The following BRINP3 variants were observed in gnomAD, a reference collection of about 807,000 sequenced individuals.
BRINP3 encodes BMP/retinoic acid-inducible neural-specific protein 3.
A neutral mutation model predicts 71.0 loss-of-function variants in BRINP3; 19 were observed. The ratio of observed to expected loss-of-function variants is 0.27; its 90% confidence interval spans 0.19 to 0.39. The LOEUF is 0.39. BRINP3 is among the 10% of genes least tolerant of loss of function. The probability of loss-of-function intolerance (pLI) is 1.00; values close to 1 mark genes in which losing one functional copy is unlikely to be tolerated. For synonymous variants in BRINP3, 380 were observed against 337.7 expected, an observed-to-expected ratio of 1.13 and a Z score of -1.37; for missense variants, 959 against 940.8, an observed-to-expected ratio of 1.02 and a Z score of -0.25.
chr1:190,299,074 T>C (rs919541021), intron 2 of BRINP3, among the ~76,000 whole-genome samples: 3 of 152,190 alleles, frequency 2.0e-5, no homozygotes, highest in African/African-American at 7.2e-5. Context: ...CTGTTAGATT[T>C]CTTTGCTCTG....
At chr1:190,206,392 T>C (rs1204924926) in intron 6 of BRINP3, among the ~76,000 whole-genome samples, 1 of 152,014 alleles carries the variant, frequency 6.6e-6, no homozygotes, top group East Asian at 1.9e-4. Context: ...ATTGAGGATC[T>C]GCAAAAAGCT....
chr1:190,107,843 T>C (rs1238421105), intron 7 of BRINP3, among the ~76,000 whole-genome samples: 1 of 150,658 alleles, frequency 6.6e-6, no homozygotes. Context: ...CTGGGGAAAA[T>C]CAAATAATTA....
intron 6 of BRINP3, among the ~76,000 whole-genome samples, chr1:190,220,961 A>G (rs1436126055): frequency 1.3e-5 from 2 of 152,170 alleles, no homozygotes; most frequent in African/African-American, 4.8e-5. Context: ...AAAAACAGTA[A>G]TAGCTATAGC....
intron 6 of BRINP3, among the ~76,000 whole-genome samples, chr1:190,177,329 A>ATTTTTTTTT (rs11307442): frequency 8.8e-3 from 870 of 98,478 alleles, no homozygotes; most frequent in Non-Finnish European, 0.012. Context: ...TGCCTGGATA[A>ATTTTTTTTT]TTTTTTTTTT....
At chr1:190,309,444 A>C (rs1488519001) in intron 2 of BRINP3, among the ~76,000 whole-genome samples, 1 of 151,882 alleles carries the variant, frequency 6.6e-6, no homozygotes, top group Non-Finnish European at 1.5e-5. Flanking sequence ...TAAGATGATA[A>C]ATTTTATGAT....
intron 6 of BRINP3, among the ~76,000 whole-genome samples, chr1:190,171,682 G>A (rs1652021892): frequency 6.6e-6 from 1 of 151,982 alleles, no homozygotes; most frequent in Admixed American, 6.6e-5. Context: ...TAACTATTAG[G>A]AAAGTTAAGA....
At chr1:190,236,783 G>T (rs1658561345) in intron 4 of BRINP3, among the ~76,000 whole-genome samples, 2 of 152,004 alleles carry the variant, frequency 1.3e-5, no homozygotes, top group South Asian at 4.2e-4. Flanking sequence ...AATAATAAAA[G>T]CATCAAAGAG....
At chr1:190,301,166 C>CATATATATATATATGT (rs1266032791) in intron 2 of BRINP3, among the ~76,000 whole-genome samples, 1 of 38,020 alleles carries the variant, frequency 2.6e-5, no homozygotes, top group African/African-American at 7.2e-5. Context: ...TATATATATA[C>CATATATATATATATGT]ATATATATAC....
intron 1 of BRINP3, among the ~76,000 whole-genome samples, chr1:190,472,398 T>C (rs748376214): frequency 1.3e-5 from 2 of 151,694 alleles, no homozygotes; most frequent in African/African-American, 4.8e-5. Context: ...TCACTAATCA[T>C]AAGCACACAA....
intron 2 of BRINP3, among the ~76,000 whole-genome samples, chr1:190,305,219 A>T (rs557580069): frequency 6.6e-6 from 1 of 152,050 alleles, no homozygotes; most frequent in Non-Finnish European, 1.5e-5. Flanking sequence ...TAAAAATCAA[A>T]CTACAATATC....
At chr1:190,308,488 GT>G (rs758582035) in intron 2 of BRINP3, among the ~76,000 whole-genome samples, 25 of 150,556 alleles carry the variant, frequency 1.7e-4, no homozygotes, top group Non-Finnish European at 3.1e-4. Context: ...ACTGGGGACT[GT>G]TGTAGGGTGG....
rs1020292735 is a variant in BRINP3 at position 190,174,783 on chromosome 1, T to G, written c.962-13893A>C. Among the ~76,000 whole-genome samples, 181 of 147,342 alleles carry G rather than the reference T, an allele frequency of 1.2e-3. 3 individuals are homozygous for G. Among genetic ancestry groups the G allele is most frequent in the Non-Finnish European group, 1.9e-4 (13 of 67,696 alleles). ...AGAAAATCATATGTTAGTTCATATT[T>G]AACAGCTGTAGATCCTCCCAATAAT... On this transcript the variant is annotated intron_variant, in intron 6 of 7. Transcript: ENST00000367462.
intron 2 of BRINP3, among the ~76,000 whole-genome samples, chr1:190,287,738 C>T (rs552824113): frequency 9.9e-5 from 15 of 152,150 alleles, no homozygotes; most frequent in African/African-American, 3.4e-4. Flanking sequence ...TAGCTGTAAC[C>T]TCATGACTAT....
At chr1:190,362,957 C>T (rs948230416) in intron 2 of BRINP3, among the ~76,000 whole-genome samples, 10 of 151,978 alleles carry the variant, frequency 6.6e-5, no homozygotes, top group South Asian at 2.1e-4. Flanking sequence ...AATCTTGATT[C>T]CAGAAAGAAC....
At chr1:190,234,279 A>G (rs1658304204) in intron 5 of BRINP3, 93 bp downstream of exon 5, 2 of 780,176 alleles carry the variant, frequency 2.6e-6, no homozygotes, top group East Asian at 2.6e-5. Flanking sequence ...GCCTGTATGT[A>G]TATGCAGTTT....
chr1:190,358,086 G>T (rs1668860813), intron 2 of BRINP3, among the ~76,000 whole-genome samples: 2 of 152,102 alleles, frequency 1.3e-5, no homozygotes, highest in Admixed American at 6.5e-5. Context: ...ATACCATTCA[G>T]GACACAGGCA....
intron 2 of BRINP3, among the ~76,000 whole-genome samples, chr1:190,344,477 G>A (rs1558200509): frequency 6.6e-6 from 1 of 151,834 alleles, no homozygotes; most frequent in African/African-American, 2.4e-5. Context: ...AACATAAGTA[G>A]CAAAGATTTG....
chr1:190,343,562 G>A (rs901102182), intron 2 of BRINP3, among the ~76,000 whole-genome samples: 3 of 151,674 alleles, frequency 2.0e-5, no homozygotes, highest in Non-Finnish European at 4.4e-5. Context: ...TGAATGCCTT[G>A]TATATAGTAC....
intron 4 of BRINP3, among the ~76,000 whole-genome samples, chr1:190,248,699 G>A (rs1453468361): frequency 1.3e-5 from 2 of 151,432 alleles, no homozygotes; most frequent in Admixed American, 1.3e-4. Context: ...TTCAGAGTCT[G>A]TGAGTTTATA....
Sources: gnomAD v4.1 joint callset for allele counts (sites outside exome capture counted in the v4.1 genomes callset) on GRCh38, gnomAD v4.1.1 for gene constraint, MANE v1.5 for transcripts, NCBI Gene and HGNC (gene_info 2026-07-23, HGNC 2026-07-21) for gene names.